Variants in PSMG4 observed in about 807,000 individuals in gnomAD.
PSMG4 encodes the protein proteasome (prosome, macropain) assembly chaperone 4.
Under a neutral mutation model 11.0 loss-of-function variants are expected in PSMG4, and 10 were observed. The ratio of observed to expected loss-of-function variants is 0.91; its 90% CI spans 0.56 to 1.54. The LOEUF is 1.54. PSMG4 is among the 40% of genes most tolerant of loss of function. PSMG4 has a pLI of 0.00. For synonymous variants in PSMG4, 95 were observed against 71.3 expected (o/e 1.33, Z -1.68); for missense variants, 198 against 160.9 (o/e 1.23, Z -1.25).
intron 1 of PSMG4, 118 bp downstream of exon 1, chr6:3,259,314 A>G: frequency 2.1e-6 from 2 of 957,378 alleles, no homozygotes. Flanking sequence ...TACTCCCCCG[A>G]AGCCCACCCG....
At chr6:3,258,127 T>C (rs1757828646), upstream of PSMG4, among the ~76,000 whole-genome samples, 1 of 151,932 alleles carries the variant, frequency 6.6e-6, no homozygotes, top group Admixed American at 6.6e-5. Flanking sequence ...TTCTCAACTC[T>C]GTAATGTCCT....
At chr6:3,254,976 C>T (rs1341958089), upstream of PSMG4, 54 of 1,423,758 alleles carry the variant, frequency 3.8e-5, no homozygotes, top group Middle Eastern at 2.0e-4. Flanking sequence ...TGTGATGTGG[C>T]TGTGGATCCC....
At chr6:3,261,641 G>A (rs11242836) in intron 1 of PSMG4, among the ~76,000 whole-genome samples, 103,777 of 151,860 alleles carry the variant, frequency 0.68, 38,435 homozygotes, top group Non-Finnish European at 0.83. Context: ...CTCACTGGCC[G>A]CAGTGTGCCT....
intron 1 of PSMG4, among the ~76,000 whole-genome samples, chr6:3,263,426 G>T (rs1024689477): frequency 6.6e-6 from 1 of 152,200 alleles, no homozygotes; most frequent in African/African-American, 2.4e-5. Flanking sequence ...CGAGCCTTTC[G>T]TGTGAAACTG....
chr6:3,254,970 A>C, upstream of PSMG4: 6 of 1,449,432 alleles, frequency 4.1e-6, no homozygotes, highest in Non-Finnish European at 5.6e-6. Context: ...AGAGCATGTG[A>C]TGTGGCTGTG....
At chr6:3,264,330 G>C in intron 2 of PSMG4, 1 of 1,549,380 alleles carries the variant, frequency 6.5e-7, no homozygotes, top group Non-Finnish European at 8.7e-7. Flanking sequence ...GGCCAGGTAA[G>C]GCTTCCATGT....
upstream of PSMG4, among the ~76,000 whole-genome samples, chr6:3,255,904 C>A (rs4997729): frequency 0.68 from 103,647 of 151,900 alleles, 38,608 homozygotes; most frequent in Non-Finnish European, 0.83. Flanking sequence ...GGATAGAAAA[C>A]ACATTTGCTG....
At chr6:3,265,017 G>C (rs1758128476) in intron 2 of PSMG4, 1 of 152,186 alleles carries the variant, frequency 6.6e-6, no homozygotes, top group African/African-American at 2.4e-5. Flanking sequence ...AGAGAAGGTG[G>C]TGTGAGCTTG....
Position 3,263,978 on chromosome 6 carries a change from A to G in PSMG4, c.250+219A>G, listed in dbSNP as rs1330839475. On this transcript the variant is annotated intron_variant, in intron 2 of 2. Coordinates refer to ENST00000438998, the MANE Select transcript of PSMG4 (RefSeq NM_001128591.2). Reference sequence around the variant, plus strand: ...CCGTCCCAGGGCTGGCCTGTTCCCAAAGGACTCCCACCTCGTCCTTGGGTG... The same window carrying G: ...CCGTCCCAGGGCTGGCCTGTTCCCAGAGGACTCCCACCTCGTCCTTGGGTG... 4 of 1,335,834 alleles carry G rather than the reference A, an allele frequency of 3.0e-6. No homozygotes were observed. The Admixed American group carries it at 8.6e-5, about 29-fold the overall frequency. The allele number at this position is 1,335,834 out of a possible 1,614,324, so 82.7% of individuals were successfully genotyped here. A position where few individuals can be genotyped will look rare whatever the true frequency, so the allele number is the denominator to read the frequency against.
chr6:3,265,057 A>G (rs1419655104), intron 2 of PSMG4: 1 of 152,156 alleles, frequency 6.6e-6, no homozygotes, highest in Non-Finnish European at 1.5e-5. Context: ...CTTTCATATC[A>G]ATAAGGTAAA....
intron 2 of PSMG4, 83 bp downstream of exon 2, chr6:3,263,842 G>C: frequency 6.6e-7 from 1 of 1,506,714 alleles, no homozygotes; most frequent in Non-Finnish European, 8.9e-7. Flanking sequence ...CCCTTCGGAA[G>C]TAAAGCATCT....
intron 2 of PSMG4, chr6:3,264,400 C>T (rs1758108277): frequency 2.0e-6 from 3 of 1,503,268 alleles, no homozygotes; most frequent in Admixed American, 4.2e-5. Context: ...CTGTCTCCTG[C>T]CCAGGCCTGG....
At chr6:3,257,813 CGT>C (rs1445865263), upstream of PSMG4, among the ~76,000 whole-genome samples, 2 of 152,156 alleles carry the variant, frequency 1.3e-5, no homozygotes, top group Non-Finnish European at 2.9e-5. Flanking sequence ...CTGGCTATAA[CGT>C]GTCAAGACTT....
At chr6:3,260,161 ACTC>A (rs1306120985) in intron 1 of PSMG4, among the ~76,000 whole-genome samples, 2 of 148,258 alleles carry the variant, frequency 1.3e-5, no homozygotes, top group Non-Finnish European at 1.5e-5. Context: ...CTGTTCTTGA[ACTC>A]CTGGCCTCAA....
At chr6:3,255,002 T>C, upstream of PSMG4, 3 of 1,539,446 alleles carry the variant, frequency 1.9e-6, no homozygotes, top group South Asian at 1.2e-5. Flanking sequence ...CCTAGCGCAC[T>C]CCCATGTGGG....
At chr6:3,254,946 CTGT>C, upstream of PSMG4, 1 of 1,279,188 alleles carries the variant, frequency 7.8e-7, no homozygotes, top group Admixed American at 2.5e-5. Context: ...TGGGTGTCAG[CTGT>C]TGGGTGTTGC....
chr6:3,261,288 G>A (rs1757981372), intron 1 of PSMG4, among the ~76,000 whole-genome samples: 2 of 152,160 alleles, frequency 1.3e-5, no homozygotes, highest in South Asian at 4.2e-4. Context: ...TTGAGCAGGC[G>A]GCAGCGGAAG....
chr6:3,263,933 A>T (rs1479601789), intron 2 of PSMG4, 174 bp downstream of exon 2: 11 of 1,411,198 alleles, frequency 7.8e-6, no homozygotes, highest in Middle Eastern at 2.0e-4. Context: ...GGCACATTCC[A>T]TGCTCGCCTG....
At chr6:3,257,225 G>T (rs746875325), upstream of PSMG4, among the ~76,000 whole-genome samples, 1 of 152,226 alleles carries the variant, frequency 6.6e-6, no homozygotes, top group African/African-American at 2.4e-5. Flanking sequence ...GTCAAGGGGA[G>T]TGAGAGAGGA....
Sources: gnomAD v4.1 joint callset for allele counts (sites outside exome capture counted in the v4.1 genomes callset) on GRCh38, gnomAD v4.1.1 for gene constraint, MANE v1.5 for transcripts, NCBI Gene and HGNC (gene_info 2026-07-23, HGNC 2026-07-21) for gene names.